PNPT1: variants seen among roughly 807,000 people sequenced by gnomAD.
PNPT1 encodes the protein polyribonucleotide nucleotidyltransferase 1.
PNPT1 carries 53 observed loss-of-function variants against 119.5 expected under a neutral mutation model. That is an observed-to-expected ratio of 0.44 (90% confidence interval 0.36 to 0.56). The LOEUF is 0.56. Ranked by LOEUF, PNPT1 falls within the 20% of genes least tolerant of loss-of-function variation. The pLI is 0.00. For missense variants in PNPT1, 948 were observed against 938.5 expected, an observed-to-expected ratio of 1.01 and a Z score of -0.13; for synonymous variants, 357 against 322.1, an observed-to-expected ratio of 1.11 and a Z score of -1.16.
At position 55,693,648 on chromosome 2, in the gene PNPT1, C is replaced by T; in HGVS notation, c.161+15G>A. On this transcript the variant is annotated intron_variant, in intron 1 of 27. Transcript: ENST00000447944. ...ACACCTTATGACAATACAGTGAACGCACGTCACTCCTTACCTGTTGCCTAA... is the reference window on the plus strand; with the variant it reads ...ACACCTTATGACAATACAGTGAACGTACGTCACTCCTTACCTGTTGCCTAA... The T allele has an allele frequency of 6.2e-7, 1 of 1,613,742 alleles. No homozygotes were observed. Among genetic ancestry groups the T allele is most frequent in the Non-Finnish European group, 8.5e-7 (1 of 1,179,704 alleles).
At chr2:55,691,868 ATATATATATATTTTTTTTT>A (rs1436829986) in intron 1 of PNPT1, among the ~76,000 whole-genome samples, 631 of 42,128 alleles carry the variant, frequency 0.015, 6 homozygotes, top group Non-Finnish European at 0.025. Flanking sequence ...ATATATATAT[ATATATATATATTTTTTTTT>A]TTTTTTTTTT....
At chr2:55,637,159 T>A (rs557273949) in intron 27 of PNPT1, among the ~76,000 whole-genome samples, 1 of 152,308 alleles carries the variant, frequency 6.6e-6, no homozygotes, top group South Asian at 2.1e-4. Flanking sequence ...ATAACATGGC[T>A]CTTACCAAGC....
chr2:55,685,375 A>G (rs1040522326), intron 3 of PNPT1, among the ~76,000 whole-genome samples: 8 of 152,180 alleles, frequency 5.3e-5, no homozygotes, highest in Non-Finnish European at 1.2e-4. Flanking sequence ...CAACAAAAAA[A>G]AAATTAGTTG....
chr2:55,671,773 G>A (rs1038398539), intron 10 of PNPT1, among the ~76,000 whole-genome samples: 5 of 152,232 alleles, frequency 3.3e-5, no homozygotes, highest in African/African-American at 1.2e-4. Flanking sequence ...GTTGCAGTGA[G>A]CTGAGATCAT....
Position 55,671,461 on chromosome 2 carries a change from T to C in PNPT1, c.919-85A>G, listed in dbSNP as rs1001350529. ...TTCTAATTATTATACAATGAACACATTGTGAATTACTCTGATTTCTTTAAT... is the reference window on the plus strand; with the variant it reads ...TTCTAATTATTATACAATGAACACACTGTGAATTACTCTGATTTCTTTAAT... On this transcript the variant is annotated intron_variant, in intron 10 of 27. Transcript: ENST00000447944. The C allele has an allele frequency of 5.2e-6, 4 of 768,448 alleles. No individual in the cohort carries two copies. In the African/African-American group the frequency reaches 5.5e-5, roughly 11 times the overall value. The allele number at this position is 768,448 out of a possible 1,614,324, so 47.6% of individuals were successfully genotyped here.
chr2:55,691,953 C>T (rs1357807416), intron 1 of PNPT1, among the ~76,000 whole-genome samples: 1 of 141,284 alleles, frequency 7.1e-6, no homozygotes, highest in African/African-American at 2.7e-5. Flanking sequence ...ATGGCACGAT[C>T]TCTGCCACTG....
chr2:55,649,926 T>G (rs1341380995), intron 18 of PNPT1, among the ~76,000 whole-genome samples: 1 of 152,196 alleles, frequency 6.6e-6, no homozygotes, highest in Non-Finnish European at 1.5e-5. Flanking sequence ...GGAACACTAT[T>G]CCATGGAATA....
At chr2:55,642,363 T>C (rs1388021503) in intron 25 of PNPT1, among the ~76,000 whole-genome samples, 3 of 151,698 alleles carry the variant, frequency 2.0e-5, no homozygotes, top group Non-Finnish European at 2.9e-5. Context: ...TCCCAGTACT[T>C]TGGGAGGCCG....
At chr2:55,678,910 G>C (rs1292331286) in intron 8 of PNPT1, among the ~76,000 whole-genome samples, 1 of 152,180 alleles carries the variant, frequency 6.6e-6, no homozygotes, top group Non-Finnish European at 1.5e-5. Flanking sequence ...AGCAGTAAAA[G>C]TTGAATAGTT....
intron 18 of PNPT1, among the ~76,000 whole-genome samples, chr2:55,650,988 G>A (rs1315520251): frequency 6.7e-6 from 1 of 148,428 alleles, no homozygotes; most frequent in Non-Finnish European, 1.5e-5. Context: ...CGTCCGGGAG[G>A]TGAGGGGCGC....
chr2:55,666,982 A>G lies in PNPT1; in HGVS notation c.1176+9T>C. 1.3e-6 allele frequency: 2 copies of G among 1,526,304 alleles called. No homozygotes were observed. Among genetic ancestry groups the G allele is most frequent in the African/African-American group, 1.4e-5 (1 of 71,198 alleles). 94.5% of individuals were successfully genotyped at this position (1,526,304 alleles called of 1,614,324 possible). On this transcript the variant is annotated intron_variant, in intron 13 of 27. Coordinates refer to ENST00000447944, the MANE Select transcript of PNPT1 (RefSeq NM_033109.5). ...TTAGCAAATAATTAGAGCTTTTTAT[A>G]TAAATTACCTGTGTTTGTCCTCTTT...
At chr2:55,655,708 C>G (rs1011811308) in intron 17 of PNPT1, among the ~76,000 whole-genome samples, 3 of 152,158 alleles carry the variant, frequency 2.0e-5, no homozygotes, top group African/African-American at 7.2e-5. Context: ...TGCACCGTAC[C>G]TTGACCCATG....
chr2:55,656,604 G>A (rs1026256939), intron 15 of PNPT1, among the ~76,000 whole-genome samples: 5 of 152,068 alleles, frequency 3.3e-5, no homozygotes, highest in African/African-American at 1.2e-4. Context: ...GGAACTGGAT[G>A]GGTATGGGGA....
At position 55,668,567 on chromosome 2, in the gene PNPT1, G is replaced by A. The variant is rs964716755; in HGVS notation, c.977-609C>T. Among the ~76,000 whole-genome samples, 7 of 150,840 alleles carry A rather than the reference G, an allele frequency of 4.6e-5. No homozygotes were observed. The East Asian group carries it at 1.4e-3, about 30-fold the overall frequency. ...AGTTCCCTTTTCTATTATGTTACCA[G>A]AAGAATCCAGTCAGCCTTTATGGAA... On this transcript the variant is annotated intron_variant, in intron 11 of 27. Coordinates refer to ENST00000447944, the MANE Select transcript of PNPT1 (RefSeq NM_033109.5).
rs187932081 is a variant in PNPT1, at chr2:55,688,846, C to T, written c.162-1141G>A. On this transcript the variant is annotated intron_variant, in intron 1 of 27. Coordinates refer to ENST00000447944, the MANE Select transcript of PNPT1 (RefSeq NM_033109.5). ...TATTGCCTATAAGGACCTTCATGTT[C>T]AACAGAAGGGGAAAGAACAATTTTC... Among the ~76,000 whole-genome samples the T allele has an allele frequency of 3.3e-5, 5 of 152,140 alleles. No individual in the cohort carries two copies. In the East Asian group the frequency reaches 7.7e-4, roughly 23 times the overall value.
At chr2:55,638,502 A>T (rs1332598849) in intron 26 of PNPT1, among the ~76,000 whole-genome samples, 1 of 152,002 alleles carries the variant, frequency 6.6e-6, no homozygotes, top group Non-Finnish European at 1.5e-5. Flanking sequence ...CAAAAAAATT[A>T]GCCGGGTGTA....
chr2:55,637,612 A>T lies in PNPT1; in HGVS notation c.2149-13T>A, dbSNP rs1364381635. 6.3e-7 allele frequency: 1 copy of T among 1,585,706 alleles called. No individual in the cohort carries two copies. The highest frequency in any genetic ancestry group is 1.3e-5 in the African/African-American group (1 of 74,214). On this transcript the variant is annotated splice_polypyrimidine_tract_variant and intron_variant, in intron 26 of 27. Coordinates refer to ENST00000447944, the MANE Select transcript of PNPT1 (RefSeq NM_033109.5). The stretch of plus-strand genomic sequence containing the variant: ...TAGGATGTTTAATCTGGAAAAAAAA[A>T]TGTTAATCTATTAGTTGTTGTGCAT...
At chr2:55,668,320 T>G (rs1371677491) in intron 11 of PNPT1, among the ~76,000 whole-genome samples, 1 of 152,160 alleles carries the variant, frequency 6.6e-6, no homozygotes, top group Non-Finnish European at 1.5e-5. Flanking sequence ...CACTGCAACC[T>G]CTGTCTCCTG....
chr2:55,690,804 C>T (rs1427812389), intron 1 of PNPT1, among the ~76,000 whole-genome samples: 1 of 151,948 alleles, frequency 6.6e-6, no homozygotes, highest in Non-Finnish European at 1.5e-5. Context: ...TCTCCTGTGA[C>T]TAATGGGAAT....
Sources: gnomAD v4.1 joint callset for allele counts (sites outside exome capture counted in the v4.1 genomes callset) on GRCh38, gnomAD v4.1.1 for gene constraint, MANE v1.5 for transcripts, NCBI Gene and HGNC (gene_info 2026-07-23, HGNC 2026-07-21) for gene names.